RBFOX1: variants seen among roughly 807,000 people sequenced by gnomAD.
RBFOX1 encodes RNA binding protein fox-1 homolog 1.
RBFOX1 carries 8 observed loss-of-function variants against 57.7 expected under a neutral mutation model. That is an observed-to-expected ratio of 0.14 (90% confidence interval 0.08 to 0.25). The LOEUF (loss-of-function observed/expected upper bound fraction) is 0.25, where lower values mean the gene tolerates loss of function less well. Ranked by LOEUF, RBFOX1 falls within the 10% of genes least tolerant of loss-of-function variation. The pLI, the probability that RBFOX1 is intolerant of heterozygous loss-of-function variation, is 1.00. For synonymous variants in RBFOX1, 326 were observed against 222.4 expected (o/e 1.47, Z -4.15); for missense variants, 611 against 548.5 (o/e 1.11, Z -1.14).
intron 2 of RBFOX1, among the ~76,000 whole-genome samples, chr16:5,485,524 C>T (rs1343156357): frequency 6.6e-6 from 1 of 151,936 alleles, no homozygotes; most frequent in East Asian, 1.9e-4. Flanking sequence ...AAATATGAAG[C>T]CCATACTAAA....
intron 4 of RBFOX1, among the ~76,000 whole-genome samples, chr16:5,998,069 A>G (rs1401652252): frequency 6.6e-6 from 1 of 152,210 alleles, no homozygotes; most frequent in Non-Finnish European, 1.5e-5. Context: ...GTGAGAAGAC[A>G]TTTGAGTTTC....
intron 4 of RBFOX1, among the ~76,000 whole-genome samples, chr16:6,007,580 T>C (rs1322848399): frequency 1.3e-5 from 2 of 152,218 alleles, no homozygotes; most frequent in Admixed American, 1.3e-4. Flanking sequence ...ATGTTTCTTG[T>C]TTCAAGCTGC....
At chr16:7,199,897 A>G (rs999637873) in intron 4 of RBFOX1, among the ~76,000 whole-genome samples, 1 of 149,374 alleles carries the variant, frequency 6.7e-6, no homozygotes, top group Non-Finnish European at 1.5e-5. Flanking sequence ...TCTATCTCAA[A>G]AAAACAAAAC....
chr16:5,732,659 C>G (rs1002689454), intron 3 of RBFOX1, among the ~76,000 whole-genome samples: 1 of 152,162 alleles, frequency 6.6e-6, no homozygotes, highest in Non-Finnish European at 1.5e-5. Flanking sequence ...TAACTACCTT[C>G]TATGTAGTCT....
chr16:7,431,957 A>G (rs2149608750), intron 4 of RBFOX1, among the ~76,000 whole-genome samples: 1 of 152,340 alleles, frequency 6.6e-6, no homozygotes, highest in East Asian at 1.9e-4. Context: ...CTGAGGCCTC[A>G]TTACGGGATG....
At chr16:6,194,137 T>A (rs1255668455) in intron 1 of RBFOX1, among the ~76,000 whole-genome samples, 1 of 152,126 alleles carries the variant, frequency 6.6e-6, no homozygotes, top group Non-Finnish European at 1.5e-5. Flanking sequence ...TCCCTCATCC[T>A]CTCTCAGTTG....
intron 2 of RBFOX1, among the ~76,000 whole-genome samples, chr16:6,624,632 G>A (rs543665767): frequency 1.3e-5 from 2 of 152,172 alleles, no homozygotes; most frequent in South Asian, 4.2e-4. Context: ...TGTTTTATAT[G>A]AAAACAAATG....
chr16:6,207,309 A>T (rs546503380), intron 1 of RBFOX1, among the ~76,000 whole-genome samples: 2 of 152,332 alleles, frequency 1.3e-5, no homozygotes, highest in East Asian at 3.9e-4. Flanking sequence ...AGTTAATGCA[A>T]TCTATAGAAA....
chr16:6,000,285 T>G (rs2060574530), intron 4 of RBFOX1, among the ~76,000 whole-genome samples: 1 of 152,068 alleles, frequency 6.6e-6, no homozygotes, highest in Non-Finnish European at 1.5e-5. Flanking sequence ...CTGAGTCTGG[T>G]TGGTTTGGAC....
At chr16:6,535,053 T>C (rs2096716229) in intron 2 of RBFOX1, among the ~76,000 whole-genome samples, 1 of 152,154 alleles carries the variant, frequency 6.6e-6, no homozygotes, top group African/African-American at 2.4e-5. Flanking sequence ...GGATTCCGCA[T>C]CCTGCAGCAA....
intron 3 of RBFOX1, among the ~76,000 whole-genome samples, chr16:6,819,613 G>A (rs546308018): frequency 6.9e-6 from 1 of 144,714 alleles, no homozygotes; most frequent in African/African-American, 2.5e-5. Flanking sequence ...GCTGAGGCAG[G>A]AGAATTGCTT....
chr16:6,273,340 GTTTTTTT>G (rs544640090), intron 1 of RBFOX1, among the ~76,000 whole-genome samples: 15 of 89,900 alleles, frequency 1.7e-4, no homozygotes, highest in African/African-American at 7.2e-4. Context: ...GTTGTTGTTG[GTTTTTTT>G]TTTTTTTTTT....
intron 3 of RBFOX1, among the ~76,000 whole-genome samples, chr16:5,617,972 G>T (rs62016936): frequency 0.17 from 26,011 of 152,144 alleles, 2,494 homozygotes; most frequent in East Asian, 0.32. Context: ...CATGCAGAAG[G>T]TACCCAGGAA....
chr16:7,320,547 C>T (rs1021456424), intron 4 of RBFOX1, among the ~76,000 whole-genome samples: 1 of 152,178 alleles, frequency 6.6e-6, no homozygotes, highest in African/African-American at 2.4e-5. Flanking sequence ...AATCTTACAA[C>T]CACTTTTGTA....
chr16:6,045,587 G>C (rs899707765), intron 1 of RBFOX1, among the ~76,000 whole-genome samples: 2 of 152,038 alleles, frequency 1.3e-5, no homozygotes, highest in South Asian at 2.1e-4. Context: ...GCATCTTTTC[G>C]GTGCTGAGAA....
chr16:7,521,105 C>CT (rs72529079), intron 5 of RBFOX1, among the ~76,000 whole-genome samples: 141,342 of 152,206 alleles, frequency 0.93, 66,034 homozygotes, highest in Non-Finnish European at 0.99. Context: ...AACGTGTAGT[C>CT]TGAGAGCATT....
chr16:7,561,029 T>C (rs1315247100), intron 5 of RBFOX1, among the ~76,000 whole-genome samples: 3 of 152,206 alleles, frequency 2.0e-5, no homozygotes, highest in Non-Finnish European at 4.4e-5. Flanking sequence ...AGCTCCCTAC[T>C]GGTTCAGGTT....
intron 3 of RBFOX1, among the ~76,000 whole-genome samples, chr16:6,900,033 C>A (rs139525831): frequency 1.4e-4 from 21 of 152,244 alleles, no homozygotes; most frequent in African/African-American, 3.4e-4. Context: ...ATAGCATCAA[C>A]TTCTAGGGTT....
At chr16:7,691,925 T>C (rs1007871714) in intron 14 of RBFOX1, among the ~76,000 whole-genome samples, 1 of 152,076 alleles carries the variant, frequency 6.6e-6, no homozygotes, top group East Asian at 1.9e-4. Flanking sequence ...TAAATAGAGG[T>C]TATTCTAAGT....
Sources: gnomAD v4.1 joint callset for allele counts (sites outside exome capture counted in the v4.1 genomes callset) on GRCh38, gnomAD v4.1.1 for gene constraint, MANE v1.5 for transcripts, NCBI Gene and HGNC (gene_info 2026-07-23, HGNC 2026-07-21) for gene names.